MGST2: variants seen among roughly 807,000 people sequenced by gnomAD.
MGST2 encodes the protein glutathione peroxidase MGST2.
MGST2 carries 9 observed loss-of-function variants against 16.6 expected under a neutral mutation model. That is an observed-to-expected ratio of 0.54 (90% CI 0.33 to 0.95). The LOEUF (loss-of-function observed/expected upper bound fraction) is 0.95. Ranked by LOEUF, MGST2 falls within the 40% of genes least tolerant of loss-of-function variation. The pLI is 0.03. For missense variants in MGST2, 159 were observed against 175.1 expected, an observed-to-expected ratio of 0.91 and a Z score of 0.52; for synonymous variants, 79 against 68.0, an observed-to-expected ratio of 1.16 and a Z score of -0.79.
At chr4:139,690,825 C>T (rs938985040) in intron 2 of MGST2, among the ~76,000 whole-genome samples, 1 of 152,134 alleles carries the variant, frequency 6.6e-6, no homozygotes, top group Admixed American at 6.5e-5. Context: ...TAGTTTGGGC[C>T]ATCCTTACTG....
At chr4:139,706,721 A>G (rs937305062), downstream of MGST2, among the ~76,000 whole-genome samples, 1 of 152,176 alleles carries the variant, frequency 6.6e-6, no homozygotes, top group African/African-American at 2.4e-5. Context: ...ACACGTGGAA[A>G]TAAGCTATGG....
chr4:139,695,584 T>C (rs1726870689), intron 3 of MGST2, among the ~76,000 whole-genome samples: 1 of 152,002 alleles, frequency 6.6e-6, no homozygotes, highest in Admixed American at 6.6e-5. Context: ...ATCGTGCCAC[T>C]ACACTCCAGT....
At chr4:139,708,144 A>G (rs1020347998), downstream of MGST2, among the ~76,000 whole-genome samples, 29 of 152,184 alleles carry the variant, frequency 1.9e-4, no homozygotes, top group South Asian at 2.1e-4. Flanking sequence ...GCCCATGCCT[A>G]TGTCCTGAAT....
intron 1 of MGST2, among the ~76,000 whole-genome samples, chr4:139,674,737 T>C (rs1730877588): frequency 6.6e-6 from 1 of 152,118 alleles, no homozygotes; most frequent in Non-Finnish European, 1.5e-5. Flanking sequence ...GCTGAGATCA[T>C]GCCACTGCAC....
intron 2 of MGST2, among the ~76,000 whole-genome samples, chr4:139,684,771 G>A (rs1047688519): frequency 1.3e-5 from 2 of 152,194 alleles, no homozygotes; most frequent in African/African-American, 2.4e-5. Flanking sequence ...TTTTTCGACT[G>A]TGCAGTGTGC....
intron 5 of MGST2, among the ~76,000 whole-genome samples, chr4:139,734,530 G>A (rs1003226125): frequency 2.6e-5 from 4 of 152,168 alleles, no homozygotes; most frequent in Non-Finnish European, 4.4e-5. Context: ...AAAGGGAGGA[G>A]AAAGAAATCA....
At chr4:139,705,425 C>T (rs1354317815), downstream of MGST2, among the ~76,000 whole-genome samples, 2 of 152,132 alleles carry the variant, frequency 1.3e-5, no homozygotes, top group South Asian at 2.1e-4. Context: ...TATGAAATGT[C>T]ATGGAAATTC....
At chr4:139,747,796 G>A in the MGST2 span, among the ~76,000 whole-genome samples, 15 of 152,098 alleles carry the variant, frequency 9.9e-5, no homozygotes, top group Non-Finnish European at 1.6e-4. Context: ...GCTCATGCCT[G>A]TAATCCCAGG....
At chr4:139,705,282 T>C (rs966020376), downstream of MGST2, among the ~76,000 whole-genome samples, 1 of 152,092 alleles carries the variant, frequency 6.6e-6, no homozygotes, top group African/African-American at 2.4e-5. Flanking sequence ...TATTAGAAAA[T>C]GTCAGGGGGT....
intron 5 of MGST2, among the ~76,000 whole-genome samples, chr4:139,710,245 T>C (rs369731322): frequency 6.6e-6 from 1 of 152,340 alleles, no homozygotes; most frequent in South Asian, 2.1e-4. Context: ...CTATGGAATG[T>C]TCCTTAATCA....
downstream of MGST2, among the ~76,000 whole-genome samples, chr4:139,708,350 T>C (rs1441455739): frequency 6.6e-6 from 1 of 152,218 alleles, no homozygotes; most frequent in African/African-American, 2.4e-5. Flanking sequence ...TTTTGTCAGG[T>C]TTATCAAAGA....
At chr4:139,730,305 C>G in intron 5 of MGST2, 1 of 933,484 alleles carries the variant, frequency 1.1e-6, no homozygotes, top group Non-Finnish European at 1.6e-6. Context: ...AATGCTAGAC[C>G]GTGAGCATCT....
At chr4:139,732,021 T>C (rs540459977) in intron 5 of MGST2, among the ~76,000 whole-genome samples, 1 of 152,282 alleles carries the variant, frequency 6.6e-6, no homozygotes, top group African/African-American at 2.4e-5. Flanking sequence ...TAATGTGAAA[T>C]GGAGGAGTTG....
At chr4:139,718,065 TG>T (rs2110947155) in intron 5 of MGST2, 1 of 152,276 alleles carries the variant, frequency 6.6e-6, no homozygotes, top group South Asian at 2.1e-4. Flanking sequence ...TGAGTAGGGA[TG>T]ATGGGAAAGG....
intron 1 of MGST2, among the ~76,000 whole-genome samples, chr4:139,669,841 G>T (rs1332619526): frequency 2.6e-5 from 4 of 152,238 alleles, no homozygotes; most frequent in African/African-American, 9.7e-5. Flanking sequence ...TCACAGGGGA[G>T]GGAGGAAATG....
In MGST2 at chr4:139,678,441, G is replaced by A. The variant is rs1190678975; in HGVS notation, c.59-102G>A. 6.0e-6 allele frequency: 5 copies of A among 838,002 alleles called. No individual in the cohort carries two copies. The East Asian group carries it at 1.3e-4, about 22-fold the overall frequency. 51.9% of individuals were successfully genotyped at this position (838,002 alleles called of 1,614,324 possible). On this transcript the variant is annotated intron_variant, in intron 1 of 4. Coordinates refer to ENST00000265498, the MANE Select transcript of MGST2 (RefSeq NM_002413.5). The stretch of plus-strand genomic sequence containing the variant: ...ATCTGTCTTTTTGATTTTAGACATT[G>A]TAATAGGTATGTAGTACTATCTAAT...
chr4:139,676,515 T>C (rs1290479252), intron 1 of MGST2, among the ~76,000 whole-genome samples: 1 of 152,202 alleles, frequency 6.6e-6, no homozygotes, highest in African/African-American at 2.4e-5. Flanking sequence ...GCAGAAGTCC[T>C]TTCTCTTTGG....
chr4:139,697,141 T>C (rs1726971505), intron 3 of MGST2, among the ~76,000 whole-genome samples: 1 of 152,186 alleles, frequency 6.6e-6, no homozygotes, highest in African/African-American at 2.4e-5. Context: ...AGGTGCTGTT[T>C]ATCTTTTTCC....
chr4:139,675,030 T>A (rs2093088158), intron 1 of MGST2, among the ~76,000 whole-genome samples: 1 of 152,194 alleles, frequency 6.6e-6, no homozygotes, highest in Non-Finnish European at 1.5e-5. Flanking sequence ...TGTGTGACAG[T>A]GGTCAGCATT....
Sources: gnomAD v4.1 joint callset for allele counts (sites outside exome capture counted in the v4.1 genomes callset) on GRCh38, gnomAD v4.1.1 for gene constraint, MANE v1.5 for transcripts, NCBI Gene and HGNC (gene_info 2026-07-23, HGNC 2026-07-21) for gene names.